Variants in RFPL1 observed in about 807,000 individuals in gnomAD.
The protein encoded by RFPL1 is ret finger protein-like 1.
Under a neutral mutation model 9.6 loss-of-function variants are expected in RFPL1, and 6 were observed. The ratio of observed to expected loss-of-function variants is 0.62; its 90% CI spans 0.34 to 1.23. RFPL1 has a LOEUF of 1.23. Among genes scored for constraint, RFPL1 ranks in the 50% most tolerant of loss-of-function variants. The pLI is 0.03. For synonymous variants in RFPL1, 145 were observed against 149.4 expected (o/e 0.97, Z 0.22); for missense variants, 352 against 398.4 (o/e 0.88, Z 0.99).
At chr22:29,433,659 C>G (rs1433331829), upstream of RFPL1, 3 of 152,172 alleles carry the variant, frequency 2.0e-5, no homozygotes, top group Admixed American at 6.5e-5. Flanking sequence ...ATTCTGGCAC[C>G]TAAAATGTGT....
At chr22:29,419,976 A>G in the RFPL1 span, among the ~76,000 whole-genome samples, 1 of 152,206 alleles carries the variant, frequency 6.6e-6, no homozygotes, top group Admixed American at 6.5e-5. Flanking sequence ...AGCTGTCCTC[A>G]GCTACCCTCA....
At chr22:29,389,858 T>C in the RFPL1 span, among the ~76,000 whole-genome samples, 2 of 151,782 alleles carry the variant, frequency 1.3e-5, no homozygotes, top group Non-Finnish European at 2.9e-5. Context: ...GAGTGCAGTG[T>C]CGTGATTTTG....
chr22:29,439,924 G>A (rs2062830023), intron 1 of RFPL1: 1 of 152,268 alleles, frequency 6.6e-6, no homozygotes, highest in Admixed American at 6.5e-5. Context: ...CCAGGGTTGG[G>A]AAGAGTTTGG....
chr22:29,394,968 G>A, the RFPL1 span, among the ~76,000 whole-genome samples: 4 of 152,054 alleles, frequency 2.6e-5, no homozygotes, highest in Non-Finnish European at 5.9e-5. Flanking sequence ...GAGTTCGTGC[G>A]GTCTCGTGAA....
At chr22:29,428,187 G>A in the RFPL1 span, among the ~76,000 whole-genome samples, 19,259 of 152,130 alleles carry the variant, frequency 0.13, 1,701 homozygotes, top group South Asian at 0.18. Context: ...AAAACGAAAG[G>A]TTCACCAAAA....
the RFPL1 span, among the ~76,000 whole-genome samples, chr22:29,426,585 C>T: frequency 6.6e-6 from 1 of 152,128 alleles, no homozygotes; most frequent in Non-Finnish European, 1.5e-5. Flanking sequence ...AACACTCTCT[C>T]TCCTAAAAAT....
chr22:29,438,505 T>C, upstream of RFPL1: 1 of 1,003,570 alleles, frequency 1.0e-6, no homozygotes. Context: ...ATTCTTATGT[T>C]CATCAATCAA....
At chr22:29,427,871 C>T in the RFPL1 span, among the ~76,000 whole-genome samples, 2,201 of 152,272 alleles carry the variant, frequency 0.014, 32 homozygotes, top group Non-Finnish European at 0.024. Context: ...TGCCATGAAT[C>T]CTGCCCTTTG....
At chr22:29,395,713 C>T in the RFPL1 span, among the ~76,000 whole-genome samples, 3 of 152,186 alleles carry the variant, frequency 2.0e-5, no homozygotes, top group East Asian at 5.8e-4. Context: ...TGGCTCACAC[C>T]TGTAATCCCA....
chr22:29,405,906 G>C, the RFPL1 span, among the ~76,000 whole-genome samples: 1 of 150,762 alleles, frequency 6.6e-6, no homozygotes, highest in South Asian at 2.1e-4. Flanking sequence ...TCAGGAGATC[G>C]AGACCATCCT....
chr22:29,423,054 G>T, the RFPL1 span: 6 of 1,057,494 alleles, frequency 5.7e-6, no homozygotes. Flanking sequence ...ACTCCCTACC[G>T]CCATAGGAGG....
At chr22:29,432,762 A>C in the RFPL1 span, among the ~76,000 whole-genome samples, 26,850 of 152,184 alleles carry the variant, frequency 0.18, 2,573 homozygotes, top group African/African-American at 0.23. Context: ...CGATATTAGA[A>C]GTTCAAGGCC....
At chr22:29,439,075 A>G (rs1354348513) in exon 1 of RFPL1, 1 of 1,614,190 alleles carries the variant, frequency 6.2e-7, no homozygotes. Flanking sequence ...CCCAGTTGGC[A>G]GCTAGAGAGG....
the RFPL1 span, among the ~76,000 whole-genome samples, chr22:29,390,941 G>A: frequency 6.7e-6 from 1 of 149,774 alleles, no homozygotes; most frequent in African/African-American, 2.5e-5. Context: ...AGTCAGGGAG[G>A]CCATCCTGGC....
chr22:29,424,048 T>A, the RFPL1 span, among the ~76,000 whole-genome samples: 1 of 151,936 alleles, frequency 6.6e-6, no homozygotes. Flanking sequence ...GGCGTGGTGG[T>A]GCGTGCCTGT....
chr22:29,420,553 A>G, the RFPL1 span, among the ~76,000 whole-genome samples: 1 of 149,788 alleles, frequency 6.7e-6, no homozygotes, highest in Non-Finnish European at 1.5e-5. Context: ...CTGGTCTTGA[A>G]ATCCTGACTT....
the RFPL1 span, among the ~76,000 whole-genome samples, chr22:29,390,069 G>C: frequency 5.9e-5 from 9 of 152,188 alleles, no homozygotes; most frequent in South Asian, 1.9e-3. Flanking sequence ...CAAAGTGATG[G>C]GATTATAGGC....
upstream of RFPL1, chr22:29,437,064 A>G (rs1376380323): frequency 6.6e-6 from 1 of 152,362 alleles, no homozygotes; most frequent in Admixed American, 6.5e-5. Flanking sequence ...CAAGAAAATC[A>G]TCTTTTTTTT....
the RFPL1 span, among the ~76,000 whole-genome samples, chr22:29,394,823 CT>C: frequency 6.6e-6 from 1 of 152,222 alleles, no homozygotes; most frequent in African/African-American, 2.4e-5. Flanking sequence ...TGTTGAGGGA[CT>C]TTCCCAGCTT....
Sources: allele counts gnomAD v4.1 joint callset (sites outside exome capture counted in the v4.1 genomes callset), GRCh38; gene constraint gnomAD v4.1.1; transcripts MANE v1.5; gene names NCBI Gene and HGNC (gene_info 2026-07-23, HGNC 2026-07-21).